The following NSRP1 variants were observed in gnomAD, a reference collection of about 807,000 sequenced individuals.
The protein encoded by NSRP1 is nuclear speckle splicing regulatory protein 1.
NSRP1 carries 24 observed loss-of-function variants against 54.7 expected under a neutral mutation model. That is an observed-to-expected ratio of 0.44 (90% confidence interval 0.32 to 0.62). The LOEUF is 0.62. NSRP1 is among the 20% of genes least tolerant of loss of function. The probability of loss-of-function intolerance (pLI) is 0.06; values close to 1 mark genes in which losing one functional copy is unlikely to be tolerated. For missense variants in NSRP1, 596 were observed against 651.2 expected (o/e 0.92, Z 0.92); for synonymous variants, 210 against 213.8 (o/e 0.98, Z 0.15).
chr17:30,141,831 C>G (rs1163198003), intron 2 of NSRP1, among the ~76,000 whole-genome samples: 1 of 152,076 alleles, frequency 6.6e-6, no homozygotes, highest in Non-Finnish European at 1.5e-5. Context: ...GGTGAAACCT[C>G]GTCTCTACTA....
intron 2 of NSRP1, among the ~76,000 whole-genome samples, chr17:30,126,669 A>T (rs538553191): frequency 1.3e-5 from 2 of 152,146 alleles, no homozygotes; most frequent in South Asian, 4.2e-4. Context: ...GGTCACTGCA[A>T]CCTCCGCTTC....
At chr17:30,151,544 G>T (rs2071910260) in intron 2 of NSRP1, among the ~76,000 whole-genome samples, 1 of 152,062 alleles carries the variant, frequency 6.6e-6, no homozygotes, top group African/African-American at 2.4e-5. Flanking sequence ...CATCATAAAG[G>T]TCTTCCTGTT....
Position 30,181,023 on chromosome 17 carries a change from A to G in NSRP1, c.617+7A>G. 1.3e-6 allele frequency: 2 copies of G among 1,532,804 alleles called. No individual in the cohort carries two copies. The highest frequency in any genetic ancestry group is 1.7e-4 in the Middle Eastern group (1 of 5,852). The allele number at this position is 1,532,804 out of a possible 1,614,324, so 95.0% of individuals were successfully genotyped here. ...GCAGCTTTCGTGAAGCCAGGTGAGG[A>G]GACGTGTATGAAATATTTTGAAGAA... On this transcript the variant is annotated splice_region_variant and intron_variant, in intron 6 of 6. Coordinates refer to ENST00000247026, the MANE Select transcript of NSRP1 (RefSeq NM_032141.4).
At chr17:30,180,106 G>C (rs1905247363) in intron 5 of NSRP1, among the ~76,000 whole-genome samples, 1 of 151,912 alleles carries the variant, frequency 6.6e-6, no homozygotes, top group Non-Finnish European at 1.5e-5. Flanking sequence ...CAAAGTGTTG[G>C]CATTACAGGT....
chr17:30,144,128 T>C (rs1019925517), intron 2 of NSRP1: 1 of 152,028 alleles, frequency 6.6e-6, no homozygotes, highest in African/African-American at 2.4e-5. Context: ...GTTTTCCTTA[T>C]GAGCAATCTA....
At chr17:30,154,723 AAG>A (rs1491419512) in intron 2 of NSRP1, 1 of 152,344 alleles carries the variant, frequency 6.6e-6, no homozygotes, top group Non-Finnish European at 1.5e-5. Context: ...AAAAAAAAAA[AAG>A]AAGAAAAGAA....
intron 2 of NSRP1, among the ~76,000 whole-genome samples, chr17:30,139,860 T>C (rs934982984): frequency 2.0e-5 from 3 of 152,084 alleles, no homozygotes; most frequent in African/African-American, 7.2e-5. Context: ...CTGTCTCTAC[T>C]AAAAATACAA....
At chr17:30,125,766 T>C (rs1475783826) in intron 2 of NSRP1, 1 of 152,332 alleles carries the variant, frequency 6.6e-6, no homozygotes, top group East Asian at 1.9e-4. Context: ...CAGGCTGGTC[T>C]TGAACTCCTG....
intron 2 of NSRP1, among the ~76,000 whole-genome samples, chr17:30,166,866 C>T (rs1198554770): frequency 1.3e-5 from 2 of 152,126 alleles, no homozygotes; most frequent in Non-Finnish European, 2.9e-5. Flanking sequence ...GCAGAGGTTT[C>T]AGTGAGCTGA....
intron 5 of NSRP1, among the ~76,000 whole-genome samples, chr17:30,180,048 G>T (rs1162246275): frequency 6.6e-6 from 1 of 152,070 alleles, no homozygotes; most frequent in East Asian, 1.9e-4. Flanking sequence ...TGTTGCCGGG[G>T]CTGGTCTCGA....
At chr17:30,150,453 G>GCTCA (rs1207338375) in intron 2 of NSRP1, 1 of 152,162 alleles carries the variant, frequency 6.6e-6, no homozygotes, top group African/African-American at 2.4e-5. Flanking sequence ...CGCAATCTCG[G>GCTCA]CTCACTGCAA....
chr17:30,136,521 A>G (rs1054202874), intron 2 of NSRP1, among the ~76,000 whole-genome samples: 1 of 152,232 alleles, frequency 6.6e-6, no homozygotes, highest in Non-Finnish European at 1.5e-5. Flanking sequence ...TATCAAATCT[A>G]AGCTGCTTTG....
Position 30,129,047 on chromosome 17 carries a change from C to T in NSRP1, c.114+10874C>T, listed in dbSNP as rs551373021. The stretch of plus-strand genomic sequence containing the variant: ...TGCTGGGATTACAGGTGTGAGCCAC[C>T]ACGCCTGGCATGATTTTTTTTTTTA... On this transcript the variant is annotated intron_variant, in intron 2 of 6. Transcript: ENST00000247026. Among the ~76,000 whole-genome samples, 3 of 151,366 alleles carry T rather than the reference C, an allele frequency of 2.0e-5. No individual in the cohort carries two copies. In the South Asian group the frequency reaches 6.2e-4, roughly 32 times the overall value.
chr17:30,163,770 C>T (rs948108553), intron 2 of NSRP1, among the ~76,000 whole-genome samples: 15 of 151,470 alleles, frequency 9.9e-5, no homozygotes, highest in African/African-American at 3.6e-4. Context: ...CAACCTCCAC[C>T]TCCTGGGTGC....
chr17:30,128,148 G>A (rs1433159590), intron 2 of NSRP1: 1 of 269,746 alleles, frequency 3.7e-6, no homozygotes, highest in Admixed American at 5.3e-5. Context: ...TGTGAACTTA[G>A]TATGTGTATA....
At chr17:30,151,460 GAAA>G (rs2071909169) in intron 2 of NSRP1, among the ~76,000 whole-genome samples, 1 of 152,118 alleles carries the variant, frequency 6.6e-6, no homozygotes. Flanking sequence ...CTAGAGAAAA[GAAA>G]ATGTTATTAG....
chr17:30,124,132 C>T (rs1228696472), intron 2 of NSRP1, among the ~76,000 whole-genome samples: 1 of 151,218 alleles, frequency 6.6e-6, no homozygotes, highest in Non-Finnish European at 1.5e-5. Context: ...AGTGTGGTGG[C>T]ACGCACTGGT....
At chr17:30,181,902 G>A (rs551553166) in intron 6 of NSRP1, among the ~76,000 whole-genome samples, 20 of 151,980 alleles carry the variant, frequency 1.3e-4, no homozygotes, top group Admixed American at 3.3e-4. Flanking sequence ...GAGCCACCAC[G>A]CCCAGCCTCT....
At chr17:30,124,872 C>A (rs1030225930) in intron 2 of NSRP1, among the ~76,000 whole-genome samples, 2 of 152,112 alleles carry the variant, frequency 1.3e-5, no homozygotes, top group African/African-American at 4.8e-5. Flanking sequence ...TGTCTTTTTA[C>A]TGAGAAGTAA....
Sources: allele counts gnomAD v4.1 joint callset (sites outside exome capture counted in the v4.1 genomes callset), GRCh38; gene constraint gnomAD v4.1.1; transcripts MANE v1.5; gene names NCBI Gene and HGNC (gene_info 2026-07-23, HGNC 2026-07-21).